VPS13D: variants seen among roughly 807,000 people sequenced by gnomAD.
The protein encoded by VPS13D is intermembrane lipid transfer protein VPS13D.
In VPS13D, 187 loss-of-function variants were observed where a neutral mutation model predicts 461.9. The ratio of observed to expected loss-of-function variants is 0.40; its 90% CI spans 0.36 to 0.46. VPS13D has a LOEUF of 0.46. Ranked by LOEUF, VPS13D falls within the 20% of genes least tolerant of loss-of-function variation. VPS13D has a pLI of 0.60. For missense variants in VPS13D, 4,711 were observed against 5,364.9 expected (o/e 0.88, Z 3.81); for synonymous variants, 1,951 against 1,986.3 (o/e 0.98, Z 0.47).
chr1:12,402,891 T>C (rs746343821), intron 62 of VPS13D, among the ~76,000 whole-genome samples: 5 of 152,228 alleles, frequency 3.3e-5, no homozygotes, highest in African/African-American at 4.8e-5. Flanking sequence ...TCCCATGTTT[T>C]TGGTATGTTG....
At position 12,473,770 on chromosome 1, in the gene VPS13D, T is replaced by C. The variant is rs1480749001; in HGVS notation, c.12662+13374T>C. Among the ~76,000 whole-genome samples the C allele has an allele frequency of 6.6e-6, 1 of 152,036 alleles. No homozygotes were observed. Among genetic ancestry groups the C allele is most frequent in the East Asian group, 1.9e-4 (1 of 5,184 alleles). On this transcript the variant is annotated intron_variant, in intron 67 of 69. Coordinates refer to ENST00000620676, the MANE Select transcript of VPS13D (RefSeq NM_015378.4). The surrounding 1 kb of genome is among the most constrained non-coding windows in gnomAD (Gnocchi z 4.2). ...AATTCTTGCTGACCACCTGCTAGAG[T>C]GTGAGGACTAGGAGTTCATGTGCTT...
chr1:12,366,910 A>T (rs577653402), intron 52 of VPS13D, among the ~76,000 whole-genome samples: 4 of 152,334 alleles, frequency 2.6e-5, no homozygotes, highest in African/African-American at 9.6e-5. Flanking sequence ...TAAAAACCTC[A>T]CTTATCACCC....
chr1:12,256,626 A>G, intron 8 of VPS13D, 123 bp downstream of exon 8: 2 of 1,146,624 alleles, frequency 1.7e-6, no homozygotes, highest in Non-Finnish European at 2.5e-6. Flanking sequence ...CCTCCAGACT[A>G]AAGTTGTGTT....
rs1204412830 is a variant in VPS13D, at chr1:12,261,166, C to T, written c.1414+17C>T. 1.2e-6 allele frequency: 2 copies of T among 1,612,886 alleles called. No homozygotes were observed. The highest frequency in any genetic ancestry group is 1.3e-5 in the African/African-American group (1 of 74,856). On this transcript the variant is annotated intron_variant, in intron 12 of 69. Transcript: ENST00000620676. The stretch of plus-strand genomic sequence containing the variant: ...AGATCCTGGGTACGGTGGGAGCTGG[C>T]CTTCACTTGATTCAAACAAATTCGT...
intron 32 of VPS13D, among the ~76,000 whole-genome samples, chr1:12,321,346 G>T (rs562754250): frequency 6.6e-6 from 1 of 152,206 alleles, no homozygotes; most frequent in East Asian, 1.9e-4. Flanking sequence ...AAGTTGGGGA[G>T]TAACATTATT....
chr1:12,507,206 T>C lies in VPS13D; in HGVS notation c.13035+113T>C. The C allele has an allele frequency of 6.4e-7, 1 of 1,568,452 alleles. No individual in the cohort carries two copies. ...CATTTAGGAGGTTGAGGCTGGGCCC[T>C]TCCCAGGAGTGCTGCCTCTCAGTCC... On this transcript the variant is annotated intron_variant, in intron 69 of 69. Transcript: ENST00000620676. This position sits in a 1 kb window ranked among gnomAD's most constrained non-coding sequence, Gnocchi z 5.3.
Position 12,279,692 on chromosome 1 carries a change from A to G in VPS13D, c.4602+42A>G, listed in dbSNP as rs1641719506. The G allele has an allele frequency of 6.6e-7, 1 of 1,506,318 alleles. No individual in the cohort carries two copies. Among genetic ancestry groups the G allele is most frequent in the African/African-American group, 1.4e-5 (1 of 72,162 alleles). 93.3% of individuals were successfully genotyped at this position (1,506,318 alleles called of 1,614,324 possible). A position where few individuals can be genotyped will look rare whatever the true frequency, so the allele number is the denominator to read the frequency against. On this transcript the variant is annotated intron_variant, in intron 20 of 69. Coordinates refer to ENST00000620676, the MANE Select transcript of VPS13D (RefSeq NM_015378.4). This position sits in a 1 kb window ranked among gnomAD's most constrained non-coding sequence, Gnocchi z 4.3. ...GCAGTTGAAGTCATATGTTTATATT[A>G]GTACTCTATAAATATGATATATATT...
chr1:12,373,759 G>A lies in VPS13D; in HGVS notation c.10818G>A (p.Glu3606=). 1 of 1,499,762 alleles carries A rather than the reference G, an allele frequency of 6.7e-7. No homozygotes were observed. The highest frequency in any genetic ancestry group is 8.8e-7 in the Non-Finnish European group (1 of 1,130,814). 92.9% of individuals were successfully genotyped at this position (1,499,762 alleles called of 1,614,324 possible). Residue 3606 remains glutamate, a synonymous_variant, in exon 55 of 70, where the codon GAG becomes GAA. Transcript: ENST00000620676. The part of the protein sequence containing the change: ...AATYTFSGLQ[E]GTGRPVASNK... ...ATTTTTTAAATTCTAGCTTGCAGGA[G>A]GGAACAGGCAGGCCTGTGGCTTCCA...
intron 58 of VPS13D, 142 bp from the exon 59 acceptor site, chr1:12,385,118 T>G (rs2101653365): frequency 1.5e-6 from 1 of 655,224 alleles, no homozygotes; most frequent in South Asian, 2.1e-5. Context: ...AAATCTTACC[T>G]TACCAGTGCT....
At position 12,308,507 on chromosome 1, in the gene VPS13D, G is replaced by A. The variant is rs373270014; in HGVS notation, c.6516G>A (p.Pro2172=). The A allele has an allele frequency of 1.2e-5, 19 of 1,614,086 alleles. No homozygotes were observed. The highest frequency in any genetic ancestry group is 1.1e-4 in the East Asian group (5 of 44,882). ...DMDIFAAERH[P]REYSKAPEDS... is the part of the protein sequence containing the mutation. ...ACATCTTTGCTGCAGAGAGACATCC[G>A]AGAGAATACTCGAAGGCACCAGAGG... The change falls in exon 27 of 70, where the codon CCG becomes CCA. Residue 2172 remains proline (P), a synonymous_variant. Transcript: ENST00000620676.
intron 67 of VPS13D, among the ~76,000 whole-genome samples, chr1:12,490,885 T>C (rs985440908): frequency 6.6e-6 from 1 of 152,212 alleles, no homozygotes; most frequent in Non-Finnish European, 1.5e-5. Flanking sequence ...CATGGTGGGC[T>C]TCTTGGGCTT....
chr1:12,299,207 A>C lies in VPS13D; in HGVS notation c.6039A>C (p.Arg2013Ser). Reference sequence around the variant, plus strand: ...AGTTTTCCTTCCTCTTTCAGGTGAGAGATCAAGCCCAGCGCTGTTCACGGG... The same window carrying C: ...AGTTTTCCTTCCTCTTTCAGGTGAGCGATCAAGCCCAGCGCTGTTCACGGG... ...QRAAIEGQTV[R>S]DQAQRCSRVL... The change falls in exon 25 of 70, where the codon AGA (arginine) becomes AGC (serine). Residue 2013 changes from arginine to serine, a missense_variant. Transcript: ENST00000620676. This position sits in a 1 kb window ranked among gnomAD's most constrained non-coding sequence, Gnocchi z 4.2. 1 of 1,573,258 alleles carries C rather than the reference A, an allele frequency of 6.4e-7. No homozygotes were observed. The highest frequency in any genetic ancestry group is 1.4e-5 in the African/African-American group (1 of 73,112).
chr1:12,303,097 T>G (rs1557696445), intron 25 of VPS13D, among the ~76,000 whole-genome samples: 1 of 152,248 alleles, frequency 6.6e-6, no homozygotes, highest in East Asian at 1.9e-4. Flanking sequence ...GCCATCATTT[T>G]GTATTTGCAT....
At chr1:12,382,176 A>G (rs1173211469) in intron 57 of VPS13D, among the ~76,000 whole-genome samples, 3 of 151,122 alleles carry the variant, frequency 2.0e-5, no homozygotes, top group Admixed American at 6.6e-5. Context: ...ATCTCAGTTC[A>G]CTGCAACCTC....
intron 24 of VPS13D, among the ~76,000 whole-genome samples, chr1:12,295,419 A>G (rs1642248979): frequency 6.6e-6 from 1 of 152,164 alleles, no homozygotes; most frequent in Admixed American, 6.5e-5. Flanking sequence ...ATTTTTCTCC[A>G]ACTGTCTAGT....
At chr1:12,346,446 A>G (rs1350257161) in intron 43 of VPS13D, among the ~76,000 whole-genome samples, 159 bp from the exon 44 acceptor site, 1 of 152,180 alleles carries the variant, frequency 6.6e-6, no homozygotes, top group Non-Finnish European at 1.5e-5. Context: ...TGTTTTTTCC[A>G]TATCTTTAAG....
Position 12,345,525 on chromosome 1 carries a change from G to T in VPS13D, c.9021+16G>T. 1.2e-6 allele frequency: 2 copies of T among 1,600,660 alleles called. No individual in the cohort carries two copies. Among genetic ancestry groups the T allele is most frequent in the Non-Finnish European group, 1.7e-6 (2 of 1,168,942 alleles). On this transcript the variant is annotated intron_variant, in intron 43 of 69. Coordinates refer to ENST00000620676, the MANE Select transcript of VPS13D (RefSeq NM_015378.4). Reference sequence around the variant, plus strand: ...TTCCTCTACGGTGTGTGACATTCAGGAAGTCAGATGGTTAAGCGACTGTCA... The same window carrying T: ...TTCCTCTACGGTGTGTGACATTCAGTAAGTCAGATGGTTAAGCGACTGTCA...
chr1:12,256,979 A>G lies in VPS13D; in HGVS notation c.841-8A>G. 6.2e-7 allele frequency: 1 copy of G among 1,614,086 alleles called. No individual in the cohort carries two copies. The highest frequency in any genetic ancestry group is 8.5e-7 in the Non-Finnish European group (1 of 1,179,956). ...CTAACCTAGTATCTCTTAACCTCTAATACAAAGCTGCAATACCGGCAAATC... is the reference window on the plus strand; with the variant it reads ...CTAACCTAGTATCTCTTAACCTCTAGTACAAAGCTGCAATACCGGCAAATC... On this transcript the variant is annotated splice_polypyrimidine_tract_variant and splice_region_variant and intron_variant, in intron 8 of 69. Transcript: ENST00000620676.
rs1265073135 is a variant in VPS13D at position 12,502,595 on chromosome 1, A to G, written c.12795-4258A>G. 6.6e-6 allele frequency among the ~76,000 whole-genome samples: 1 copy of G among 151,722 alleles called. No individual in the cohort carries two copies. The highest frequency in any genetic ancestry group is 2.4e-5 in the African/African-American group (1 of 41,226). ...TCTGAGTCAGGCTTCTGATTTTGAA[A>G]TGACTCCAGAGGGAGTAGAATCAGG... On this transcript the variant is annotated intron_variant, in intron 68 of 69. Transcript: ENST00000620676. This position sits in a 1 kb window ranked among gnomAD's most constrained non-coding sequence, Gnocchi z 4.3.
Sources: allele counts gnomAD v4.1 joint callset (sites outside exome capture counted in the v4.1 genomes callset), GRCh38; gene constraint gnomAD v4.1.1; non-coding constraint Gnocchi (gnomAD v3.1); transcripts MANE v1.5; gene names NCBI Gene and HGNC (gene_info 2026-07-23, HGNC 2026-07-21).